Variants in DENND4C observed in about 807,000 individuals in gnomAD.
DENND4C encodes the protein DENN domain containing 4C.
Under a neutral mutation model 203.0 loss-of-function variants are expected in DENND4C, and 108 were observed. The ratio of observed to expected loss-of-function variants is 0.53; its 90% CI spans 0.46 to 0.62. DENND4C has a LOEUF of 0.62. DENND4C is among the 20% of genes least tolerant of loss of function. DENND4C has a pLI of 0.00. For synonymous variants in DENND4C, 871 were observed against 792.4 expected (o/e 1.10, Z -1.67); for missense variants, 2,481 against 2,301.2 (o/e 1.08, Z -1.60).
chr9:19,371,917 A>G (rs970840516), intron 32 of DENND4C, 97 bp downstream of exon 32: 13 of 1,329,110 alleles, frequency 9.8e-6, no homozygotes, highest in Non-Finnish European at 1.4e-5. Context: ...AAGATTTAAA[A>G]GATTTCTACT....
intron 30 of DENND4C, among the ~76,000 whole-genome samples, chr9:19,364,277 T>G (rs1827147743): frequency 6.6e-6 from 1 of 152,204 alleles, no homozygotes; most frequent in Non-Finnish European, 1.5e-5. Flanking sequence ...TTAAAAAAAT[T>G]TAAAGATTGT....
In DENND4C at chr9:19,245,956, CAA is replaced by C. The variant is rs529729636; in HGVS notation, c.-18+15124_-18+15125del. 5.1e-4 allele frequency among the ~76,000 whole-genome samples: 19 copies of C among 37,012 alleles called. No individual in the cohort carries two copies. The East Asian group carries it at 5.8e-3, about 11-fold the overall frequency. 24.3% of individuals were successfully genotyped at this position (37,012 alleles called of 152,430 possible). A position where few individuals can be genotyped will look rare whatever the true frequency, so the allele number is the denominator to read the frequency against. ...CCCTATTTTGATATTTCTTGGAATC[CAA>C]TTTTTTTTTTATTTTTTCAGTTCTC... On this transcript the variant is annotated intron_variant, in intron 1 of 32. Transcript: ENST00000434457.
At chr9:19,351,623 A>C (rs550767679) in intron 24 of DENND4C, among the ~76,000 whole-genome samples, 2 of 152,110 alleles carry the variant, frequency 1.3e-5, no homozygotes, top group Non-Finnish European at 2.9e-5. Flanking sequence ...CCTGGGCAAC[A>C]CAGTGAAACC....
intron 30 of DENND4C, among the ~76,000 whole-genome samples, chr9:19,367,444 A>G (rs368097756): frequency 2.4e-4 from 36 of 152,384 alleles, no homozygotes; most frequent in Middle Eastern, 6.8e-3. Context: ...CTATCAGTCT[A>G]TGAATTGAGG....
At chr9:19,304,399 G>A (rs948888058) in intron 9 of DENND4C, among the ~76,000 whole-genome samples, 4 of 151,866 alleles carry the variant, frequency 2.6e-5, no homozygotes, top group African/African-American at 9.7e-5. Flanking sequence ...GGCCAGGCTG[G>A]TCTCAAACTT....
chr9:19,345,997 G>A lies in DENND4C; in HGVS notation c.3228G>A (p.Lys1076=). The A allele has an allele frequency of 1.2e-6, 2 of 1,614,112 alleles. No homozygotes were observed. The highest frequency in any genetic ancestry group is 2.2e-5 in the East Asian group (1 of 44,880). Residue 1076 remains lysine (K), a synonymous_variant, in exon 23 of 33, where the codon AAG becomes AAA. Transcript: ENST00000434457. ...TCTTTGGCGAAGCTACTAATCTCAA[G>A]AAGAATGGTGATAGAGGAGAAAAAA... ...DAVFGEATNL[K]KNGDRGEKRQ... is the part of the protein sequence containing the mutation.
rs556426765 is a variant in DENND4C, at chr9:19,346,361, A to T, written c.3592A>T (p.Thr1198Ser). 32 of 1,614,160 alleles carry T rather than the reference A, an allele frequency of 2.0e-5. No homozygotes were observed. The South Asian group carries it at 3.1e-4, about 16-fold the overall frequency. The change falls in exon 23 of 33, where the codon ACT becomes TCT. Residue 1198 changes from threonine to serine, a missense_variant. By Grantham distance (58) the Thr-to-Ser change is moderately conservative (BLOSUM62 1). This residue lies in a region of DENND4C where 2,289 missense variants were observed against 2,113.3 expected (regional missense o/e 1.08). Transcript: ENST00000434457. ...LEPVVDDVPKTTATVDTYESL... is the reference protein window; with the variant it reads ...LEPVVDDVPKSTATVDTYESL... ...GCCTGTGGTTGATGACGTACCTAAAACTACTGCAACAGTAGATACATATGA... is the reference window on the plus strand; with the variant it reads ...GCCTGTGGTTGATGACGTACCTAAATCTACTGCAACAGTAGATACATATGA...
intron 10 of DENND4C, among the ~76,000 whole-genome samples, chr9:19,309,212 C>G (rs1280682818): frequency 6.6e-6 from 1 of 151,992 alleles, no homozygotes; most frequent in South Asian, 2.1e-4. Context: ...CTCCTGGGGT[C>G]GGGAGTTTGA....
chr9:19,350,670 A>C (rs931178184), intron 23 of DENND4C, 32 bp from the exon 24 acceptor site: 7 of 1,582,520 alleles, frequency 4.4e-6, no homozygotes, highest in Non-Finnish European at 4.3e-6. Context: ...GGTATTATTT[A>C]TGTATGTGGA....
At chr9:19,249,508 G>A (rs1454834044) in intron 1 of DENND4C, among the ~76,000 whole-genome samples, 2 of 151,898 alleles carry the variant, frequency 1.3e-5, no homozygotes, top group African/African-American at 2.4e-5. Flanking sequence ...CACCTGCCTC[G>A]GCCTCCCAAA....
chr9:19,300,098 C>G (rs894440083), intron 8 of DENND4C, 89 bp from the exon 9 acceptor site: 3 of 1,301,788 alleles, frequency 2.3e-6, no homozygotes, highest in Non-Finnish European at 3.1e-6. Flanking sequence ...ACACTAGACT[C>G]TCAATCTGTT....
intron 2 of DENND4C, among the ~76,000 whole-genome samples, chr9:19,281,751 A>C (rs1834085892): frequency 6.6e-6 from 1 of 152,228 alleles, no homozygotes; most frequent in Non-Finnish European, 1.5e-5. Context: ...TAGAGTGTAC[A>C]TACACAAACC....
chr9:19,346,251 C>T lies in DENND4C; in HGVS notation c.3482C>T (p.Thr1161Ile), dbSNP rs757157913. 1.2e-6 allele frequency: 2 copies of T among 1,614,022 alleles called. No homozygotes were observed. The highest frequency in any genetic ancestry group is 4.5e-5 in the East Asian group (2 of 44,896). ...AGCTGTCACCTACCTGATAGTAGGA[C>T]TTGTATGTCTGAAAGCACTTGGAAT... ...NVSCHLPDSRTCMSESTWNPE... is the reference protein window; with the variant it reads ...NVSCHLPDSRICMSESTWNPE... The change falls in exon 23 of 33, where the codon ACT becomes ATT. Residue 1161 changes from threonine to isoleucine, a missense_variant. Coordinates refer to ENST00000434457, the MANE Select transcript of DENND4C (RefSeq NM_001330640.2).
At chr9:19,242,645 T>C (rs1824051271) in intron 1 of DENND4C, among the ~76,000 whole-genome samples, 1 of 142,124 alleles carries the variant, frequency 7.0e-6, no homozygotes, top group South Asian at 2.4e-4. Context: ...ATCTCATTGC[T>C]ATTTCTTTCT....
At chr9:19,264,604 G>A (rs544599696) in intron 1 of DENND4C, among the ~76,000 whole-genome samples, 1 of 152,222 alleles carries the variant, frequency 6.6e-6, no homozygotes, top group African/African-American at 2.4e-5. Flanking sequence ...ACCATGCCTG[G>A]CCAGTAGTTT....
intron 15 of DENND4C, 139 bp from the exon 16 acceptor site, chr9:19,327,891 A>G (rs1818157365): frequency 1.2e-6 from 1 of 847,756 alleles, no homozygotes; most frequent in East Asian, 3.0e-5. Flanking sequence ...AAAAATTTTG[A>G]AAAAGTATTT....
intron 6 of DENND4C, 60 bp downstream of exon 6, chr9:19,296,306 T>A: frequency 1.7e-6 from 2 of 1,163,708 alleles, no homozygotes; most frequent in Non-Finnish European, 2.5e-6. Context: ...TATATACATT[T>A]GTTTGTGTAA....
chr9:19,298,518 C>A (rs1308554352), intron 7 of DENND4C, among the ~76,000 whole-genome samples: 1 of 151,902 alleles, frequency 6.6e-6, no homozygotes, highest in Non-Finnish European at 1.5e-5. Context: ...GCTAAAGGAC[C>A]AGTTTCTTTT....
intron 1 of DENND4C, among the ~76,000 whole-genome samples, chr9:19,250,354 G>T (rs1826250524): frequency 6.6e-6 from 1 of 152,130 alleles, no homozygotes. Flanking sequence ...TGAGACAGGA[G>T]AATTGCTTGA....
Sources: allele counts gnomAD v4.1 joint callset (sites outside exome capture counted in the v4.1 genomes callset), GRCh38; gene constraint gnomAD v4.1.1; regional missense constraint gnomAD v4.1.1; transcripts MANE v1.5; gene names NCBI Gene and HGNC (gene_info 2026-07-23, HGNC 2026-07-21).